ZNF131: variants seen among roughly 807,000 people sequenced by gnomAD.
The protein encoded by ZNF131 is zinc finger and BTB domain containing 35.
In ZNF131, 7 loss-of-function variants were observed where a neutral mutation model predicts 60.0. That is an observed-to-expected ratio of 0.12 (90% CI 0.07 to 0.22). ZNF131 has a LOEUF of 0.22. Ranked by LOEUF, ZNF131 falls within the 10% of genes least tolerant of loss-of-function variation. ZNF131 has a pLI of 1.00. For synonymous variants in ZNF131, 257 were observed against 253.2 expected (o/e 1.01, Z -0.14); for missense variants, 493 against 740.9 (o/e 0.67, Z 3.88).
At chr5:43,145,752 AT>A (rs1190104057) in intron 4 of ZNF131, among the ~76,000 whole-genome samples, 1 of 152,092 alleles carries the variant, frequency 6.6e-6, no homozygotes, top group Non-Finnish European at 1.5e-5. Flanking sequence ...AAGATGCACA[AT>A]TTTTTTCCTC....
chr5:43,125,761 CAA>C (rs757975135), intron 3 of ZNF131, among the ~76,000 whole-genome samples: 2 of 151,104 alleles, frequency 1.3e-5, no homozygotes, highest in Admixed American at 6.6e-5. Context: ...GCCTGGGCAA[CAA>C]GAGTGAAACT....
chr5:43,130,604 G>A (rs971739097), intron 3 of ZNF131, among the ~76,000 whole-genome samples: 4 of 152,042 alleles, frequency 2.6e-5, no homozygotes, highest in South Asian at 2.1e-4. Context: ...TGCTCTTGTT[G>A]CCCAGGCTGG....
chr5:43,151,538 A>G (rs1748315171), intron 4 of ZNF131, among the ~76,000 whole-genome samples: 1 of 151,960 alleles, frequency 6.6e-6, no homozygotes, highest in Non-Finnish European at 1.5e-5. Context: ...GGGCTCAAGC[A>G]ATACTCCTGC....
intron 4 of ZNF131, among the ~76,000 whole-genome samples, chr5:43,159,507 A>G (rs909246255): frequency 8.6e-5 from 13 of 151,962 alleles, no homozygotes; most frequent in Non-Finnish European, 1.5e-5. Flanking sequence ...CACCCTGGCC[A>G]ACATGGTGAG....
chr5:43,121,953 T>G (rs1018101025), intron 1 of ZNF131, 86 bp from the exon 2 acceptor site: 417 of 1,374,476 alleles, frequency 3.0e-4, no homozygotes, highest in Non-Finnish European at 3.7e-4. Context: ...ACGTTGCTGG[T>G]TTTTTTTGTT....
chr5:43,174,061 C>G (rs1249026185), intron 6 of ZNF131, among the ~76,000 whole-genome samples: 1 of 152,098 alleles, frequency 6.6e-6, no homozygotes, highest in Non-Finnish European at 1.5e-5. Flanking sequence ...AACCCTGTCT[C>G]TACTAAAAAT....
chr5:43,170,403 C>T (rs926080960), intron 5 of ZNF131, among the ~76,000 whole-genome samples: 12 of 152,348 alleles, frequency 7.9e-5, no homozygotes, highest in Admixed American at 6.5e-4. Flanking sequence ...GGGGCTCCAC[C>T]TTCCATCCTG....
chr5:43,153,881 C>A (rs1229941301), intron 4 of ZNF131, among the ~76,000 whole-genome samples: 1 of 152,122 alleles, frequency 6.6e-6, no homozygotes, highest in African/African-American at 2.4e-5. Context: ...AGAAAGCTGT[C>A]GCCATACTCA....
chr5:43,131,840 A>G (rs911398944), intron 3 of ZNF131, among the ~76,000 whole-genome samples: 1 of 151,888 alleles, frequency 6.6e-6, no homozygotes, highest in South Asian at 2.1e-4. Context: ...CTTTAGTATT[A>G]TGAGTAAGAG....
chr5:43,158,072 G>T (rs367573278), intron 4 of ZNF131, among the ~76,000 whole-genome samples: 1 of 152,104 alleles, frequency 6.6e-6, no homozygotes, highest in Non-Finnish European at 1.5e-5. Context: ...GGGTTCAAGC[G>T]ATTCTCTTGC....
chr5:43,175,016 T>A lies in ZNF131; in HGVS notation c.1755T>A (p.Ala585=). 6.2e-7 allele frequency: 1 copy of A among 1,614,130 alleles called. No homozygotes were observed. Among genetic ancestry groups the A allele is most frequent in the Non-Finnish European group, 8.5e-7 (1 of 1,180,014 alleles). ...EERESSQADA[A]EAAREDHEDA... is the part of the protein sequence containing the mutation. ...GAGAGTCTAGCCAAGCAGATGCTGC[T>A]GAGGCTGCCAGGGAAGATCACGAAG... The change falls in exon 7 of 7, where the codon GCT becomes GCA. Residue 585 remains alanine (A), a synonymous_variant. Coordinates refer to ENST00000682664, the MANE Select transcript of ZNF131 (RefSeq NM_001330707.2).
At chr5:43,137,312 A>T (rs1746244721) in intron 3 of ZNF131, among the ~76,000 whole-genome samples, 1 of 152,196 alleles carries the variant, frequency 6.6e-6, no homozygotes. Context: ...AATAAATGAT[A>T]AGGAATGAAT....
chr5:43,136,685 C>G (rs1746161329), intron 3 of ZNF131, among the ~76,000 whole-genome samples: 1 of 144,008 alleles, frequency 6.9e-6, no homozygotes, highest in Non-Finnish European at 1.5e-5. Flanking sequence ...CGGAGTTTCA[C>G]CATATCGACC....
intron 5 of ZNF131, among the ~76,000 whole-genome samples, chr5:43,162,659 T>G (rs1293137495): frequency 6.6e-6 from 1 of 150,402 alleles, no homozygotes; most frequent in African/African-American, 2.4e-5. Context: ...ATCCCAACAC[T>G]TTGGGAGGCC....
At chr5:43,167,999 AG>A (rs1750568627) in intron 5 of ZNF131, 1 of 454,138 alleles carries the variant, frequency 2.2e-6, no homozygotes, top group Admixed American at 2.4e-5. Context: ...GCGACTCTGC[AG>A]AGTCCTGAGG....
In ZNF131 at chr5:43,173,391, T is replaced by C; in HGVS notation, c.1128T>C (p.Thr376=). ...ATAGCACTCTGAAATGTCACCTCACTGCATGCCAAACTGGAGTAGGGGCAA... is the reference window on the plus strand; with the variant it reads ...ATAGCACTCTGAAATGTCACCTCACCGCATGCCAAACTGGAGTAGGGGCAA... ...ARNSTLKCHL[T]ACQTGVGAKK... is the part of the protein sequence containing the mutation. Residue 376 remains threonine (T), a synonymous_variant, in exon 6 of 7, where the codon ACT becomes ACC. Coordinates refer to ENST00000682664, the MANE Select transcript of ZNF131 (RefSeq NM_001330707.2). 14 of 1,613,450 alleles carry C rather than the reference T, an allele frequency of 8.7e-6. No individual in the cohort carries two copies. Among genetic ancestry groups the C allele is most frequent in the Non-Finnish European group, 1.1e-5 (13 of 1,179,492 alleles).
chr5:43,160,678 C>CTTTTTTTTTTTTTTTTTTTTTTTT (rs71608692), intron 4 of ZNF131, among the ~76,000 whole-genome samples: 1 of 93,038 alleles, frequency 1.1e-5, no homozygotes, highest in Non-Finnish European at 2.1e-5. Flanking sequence ...TAGCTTGGAA[C>CTTTTTTTTTTTTTTTTTTTTTTTT]TTTTTTTTTT....
intron 4 of ZNF131, among the ~76,000 whole-genome samples, chr5:43,153,237 G>A (rs1193413243): frequency 3.9e-5 from 6 of 152,144 alleles, no homozygotes; most frequent in Non-Finnish European, 7.4e-5. Context: ...AATGAAGTTC[G>A]AATTTCCTAA....
chr5:43,159,542 A>G (rs1749375720), intron 4 of ZNF131, among the ~76,000 whole-genome samples: 3 of 151,986 alleles, frequency 2.0e-5, no homozygotes, highest in Admixed American at 6.6e-5. Context: ...AAAAAATACA[A>G]AAATTAGGCG....
Sources: allele counts gnomAD v4.1 joint callset (sites outside exome capture counted in the v4.1 genomes callset), GRCh38; gene constraint gnomAD v4.1.1; transcripts MANE v1.5; gene names NCBI Gene and HGNC (gene_info 2026-07-23, HGNC 2026-07-21).